The following TMEM232 variants were observed in gnomAD, a reference collection of about 807,000 sequenced individuals.
TMEM232 encodes the protein transmembrane protein 232.
In TMEM232, 80 loss-of-function variants were observed where a neutral mutation model predicts 78.8. That is an observed-to-expected ratio of 1.01 (90% CI 0.85 to 1.22). The LOEUF is 1.22. TMEM232 is among the 50% of genes most tolerant of loss of function. TMEM232 has a pLI of 0.00. For synonymous variants in TMEM232, 297 were observed against 254.3 expected (o/e 1.17, Z -1.60); for missense variants, 881 against 742.2 (o/e 1.19, Z -2.17).
chr5:110,439,637 A>C (rs753317393), intron 12 of TMEM232, among the ~76,000 whole-genome samples: 1 of 152,068 alleles, frequency 6.6e-6, no homozygotes, highest in Non-Finnish European at 1.5e-5. Flanking sequence ...TTCCATATAC[A>C]GTTCCTGTTG....
chr5:110,481,268 A>T (rs1763831579), intron 12 of TMEM232, among the ~76,000 whole-genome samples: 1 of 152,150 alleles, frequency 6.6e-6, no homozygotes, highest in African/African-American at 2.4e-5. Context: ...TGCTAAAATG[A>T]CTTTTCAGAT....
rs188200308 is a variant in TMEM232 at position 110,531,949 on chromosome 5, A to T, written c.1456-3114T>A. ...CCCTCAAACTCCACAACAGGACTTA[A>T]TTAACCTTGCCTTCAAAGTGTACAA... On this transcript the variant is annotated intron_variant, in intron 11 of 13. Coordinates refer to ENST00000455884, the MANE Select transcript of TMEM232 (RefSeq NM_001039763.4). 1.2e-4 allele frequency among the ~76,000 whole-genome samples: 18 copies of T among 152,318 alleles called. 1 individual carries two copies. Among genetic ancestry groups the T allele is most frequent in the Admixed American group, 9.1e-4 (14 of 15,302 alleles).
chr5:110,436,462 A>G (rs762282968), intron 12 of TMEM232, among the ~76,000 whole-genome samples: 3 of 152,034 alleles, frequency 2.0e-5, no homozygotes, highest in Non-Finnish European at 4.4e-5. Context: ...TAAACTTTAT[A>G]TGATCCCATT....
chr5:110,537,443 A>G (rs1772530506), intron 11 of TMEM232, among the ~76,000 whole-genome samples: 1 of 152,154 alleles, frequency 6.6e-6, no homozygotes, highest in South Asian at 2.1e-4. Context: ...CCATATGTAC[A>G]GACCTTCATG....
chr5:110,618,521 A>G lies in TMEM232; in HGVS notation c.810T>C (p.Ala270=), dbSNP rs1783224247. 6.4e-7 allele frequency: 1 copy of G among 1,551,656 alleles called. No homozygotes were observed. Residue 270 remains alanine, a synonymous_variant, in exon 8 of 14, where the codon GCT becomes GCC. Transcript: ENST00000455884. The part of the protein sequence containing the change: ...EINHLLWHCV[A]AWSCVQNNSP... ...TGTTATTCTGAACACAAGACCAAGC[A>G]GCAACACAGTGCCAGAGCAGGTGGT...
At chr5:110,433,592 T>A (rs573861952) in intron 12 of TMEM232, among the ~76,000 whole-genome samples, 1 of 151,956 alleles carries the variant, frequency 6.6e-6, no homozygotes, top group East Asian at 1.9e-4. Context: ...CAATTCTGTT[T>A]AGGATTTATG....
At chr5:110,591,551 C>A (rs1580277595) in intron 10 of TMEM232, among the ~76,000 whole-genome samples, 1 of 152,254 alleles carries the variant, frequency 6.6e-6, no homozygotes, top group East Asian at 1.9e-4. Flanking sequence ...CATCTATTAA[C>A]CTTTACTGGG....
At chr5:110,639,161 C>T (rs999513648) in intron 4 of TMEM232, among the ~76,000 whole-genome samples, 1 of 152,116 alleles carries the variant, frequency 6.6e-6, no homozygotes, top group African/African-American at 2.4e-5. Context: ...GGAGCCAGCA[C>T]ATGCAGAGCC....
chr5:110,598,777 C>T (rs910613039), intron 10 of TMEM232, among the ~76,000 whole-genome samples: 4 of 145,928 alleles, frequency 2.7e-5, no homozygotes, highest in Non-Finnish European at 4.5e-5. Flanking sequence ...AACCAAACAC[C>T]GCATGTTCTC....
At chr5:110,415,190 CT>C (rs11382588), downstream of TMEM232, among the ~76,000 whole-genome samples, 1,122 of 142,132 alleles carry the variant, frequency 7.9e-3, 9 homozygotes, top group African/African-American at 0.02. Context: ...TTCTCTCCAA[CT>C]TTTTTTTTTT....
At chr5:110,517,296 G>A (rs547441972) in intron 12 of TMEM232, among the ~76,000 whole-genome samples, 5 of 152,256 alleles carry the variant, frequency 3.3e-5, no homozygotes, top group African/African-American at 1.2e-4. Context: ...AACAAAAGGA[G>A]CTAGCTATGG....
intron 10 of TMEM232, among the ~76,000 whole-genome samples, chr5:110,581,540 G>C (rs1778210016): frequency 6.6e-6 from 1 of 151,908 alleles, no homozygotes; most frequent in South Asian, 2.1e-4. Context: ...AGACTTAAAT[G>C]TGAGACTACA....
At chr5:110,523,171 G>C (rs1040068571) in intron 12 of TMEM232, among the ~76,000 whole-genome samples, 10 of 151,906 alleles carry the variant, frequency 6.6e-5, no homozygotes, top group African/African-American at 2.4e-4. Context: ...ATTTCTTCTG[G>C]GTTTTCCAGT....
rs149963087 is a variant in TMEM232, at chr5:110,422,190, G to T, written c.1798-1434C>A. Among the ~76,000 whole-genome samples, 94 of 152,138 alleles carry T rather than the reference G, an allele frequency of 6.2e-4. 1 individual carries two copies. The East Asian group carries it at 0.012, about 20-fold the overall frequency. On this transcript the variant is annotated intron_variant, in intron 13 of 13. Coordinates refer to ENST00000455884, the MANE Select transcript of TMEM232 (RefSeq NM_001039763.4). ...TAATGACAGTATCTATAAACAAAGA[G>T]CACTAATCTATCCTGTATGAAATAT...
intron 12 of TMEM232, among the ~76,000 whole-genome samples, chr5:110,480,873 C>A (rs1302375880): frequency 6.6e-6 from 1 of 151,956 alleles, no homozygotes; most frequent in Non-Finnish European, 1.5e-5. Flanking sequence ...AAGGAGTGGT[C>A]AGTAGTAACA....
intron 10 of TMEM232, among the ~76,000 whole-genome samples, chr5:110,584,976 A>G (rs1205833387): frequency 1.3e-5 from 2 of 152,090 alleles, no homozygotes; most frequent in Non-Finnish European, 2.9e-5. Context: ...GAAACATTGC[A>G]TTATTTCTGG....
chr5:110,433,923 T>C (rs147994673), intron 12 of TMEM232, among the ~76,000 whole-genome samples: 134 of 152,212 alleles, frequency 8.8e-4, no homozygotes, highest in African/African-American at 3.1e-3. Context: ...TCATCAGGGA[T>C]ATTAGCCTGT....
At chr5:110,435,269 C>T (rs1405648453) in intron 12 of TMEM232, among the ~76,000 whole-genome samples, 1 of 151,490 alleles carries the variant, frequency 6.6e-6, no homozygotes, top group Non-Finnish European at 1.5e-5. Flanking sequence ...GTAGTGTTTA[C>T]TTTAAGTTTT....
chr5:110,569,592 C>T (rs1179934001), intron 10 of TMEM232, among the ~76,000 whole-genome samples: 1 of 151,706 alleles, frequency 6.6e-6, no homozygotes, highest in Non-Finnish European at 1.5e-5. Context: ...TCTCCAAAAC[C>T]CTGGTGACAG....
Sources: gnomAD v4.1 joint callset for allele counts (sites outside exome capture counted in the v4.1 genomes callset) on GRCh38, gnomAD v4.1.1 for gene constraint, MANE v1.5 for transcripts, NCBI Gene and HGNC (gene_info 2026-07-23, HGNC 2026-07-21) for gene names.